BRD9: variants seen among roughly 807,000 people sequenced by gnomAD.
BRD9 encodes bromodomain-containing protein 9.
A neutral mutation model predicts 68.7 loss-of-function variants in BRD9; 47 were observed. That is an observed-to-expected ratio of 0.68 (90% CI 0.54 to 0.87). The LOEUF (loss-of-function observed/expected upper bound fraction) is 0.87, where lower values mean the gene tolerates loss of function less well. Among genes scored for constraint, BRD9 ranks in the 40% least tolerant of loss-of-function variants. BRD9 has a pLI of 0.00. For synonymous variants in BRD9, 313 were observed against 293.9 expected, an observed-to-expected ratio of 1.06 and a Z score of -0.67; for missense variants, 670 against 748.4, an observed-to-expected ratio of 0.90 and a Z score of 1.22.
At position 892,677 on chromosome 5, in the gene BRD9, C is replaced by T. The variant is rs974818177; in HGVS notation, c.-20G>A. ...GCCCATGGCGGCGCCGGCGGCGGGC[C>T]CGAGGCGGGGGCTGGGAACAGCTGG... On this transcript the variant is annotated 5_prime_UTR_variant, in exon 1 of 16. Transcript: ENST00000467963. 1 of 1,401,618 alleles carries T rather than the reference C, an allele frequency of 7.1e-7. No individual in the cohort carries two copies. Among genetic ancestry groups the T allele is most frequent in the East Asian group, 3.1e-5 (1 of 32,392 alleles). The allele number at this position is 1,401,618 out of a possible 1,614,324, so 86.8% of individuals were successfully genotyped here. A position where few individuals can be genotyped will look rare whatever the true frequency, so the allele number is the denominator to read the frequency against.
chr5:875,865 G>A (rs1435155973), intron 12 of BRD9, among the ~76,000 whole-genome samples: 2 of 152,240 alleles, frequency 1.3e-5, no homozygotes, highest in Non-Finnish European at 1.5e-5. Context: ...TGACAGAGAT[G>A]AAAGATGAAG....
rs893644364 is a variant in BRD9, at chr5:868,965, A to T, written c.1525+1508T>A. On this transcript the variant is annotated intron_variant, in intron 14 of 15. Transcript: ENST00000467963. Reference sequence around the variant, plus strand: ...CACCGGCAGCCTCCCAGGTGAGGGCACAGTCTCCAGGATGGCCCCACCGGC... The same window carrying T: ...CACCGGCAGCCTCCCAGGTGAGGGCTCAGTCTCCAGGATGGCCCCACCGGC... The T allele has an allele frequency of 1.8e-4, 37 of 206,654 alleles. 1 individual carries two copies. The South Asian group carries it at 2.7e-3, about 15-fold the overall frequency. 12.8% of individuals were successfully genotyped at this position (206,654 alleles called of 1,614,324 possible).
intron 5 of BRD9, 145 bp downstream of exon 5, chr5:888,876 T>C (rs1374922628): frequency 4.8e-6 from 4 of 828,696 alleles, no homozygotes; most frequent in Non-Finnish European, 3.6e-6. Flanking sequence ...ATTTCCTTAA[T>C]GCTGTGTCTG....
intron 6 of BRD9, 30 bp downstream of exon 6, chr5:887,331 G>A (rs548060566): frequency 7.0e-6 from 11 of 1,568,612 alleles, no homozygotes; most frequent in East Asian, 6.7e-5. Context: ...CCTGCTTTCC[G>A]TAGCTCGCTG....
rs550796927 is a variant in BRD9 at position 876,160 on chromosome 5, C to T, written c.1324G>A (p.Asp442Asn). The T allele has an allele frequency of 1.4e-5, 23 of 1,613,758 alleles. No individual in the cohort carries two copies. Among genetic ancestry groups the T allele is most frequent in the East Asian group, 8.9e-5 (4 of 44,846 alleles). ...AGSYSKKVVD[D>N]LLDQITGGDH... ...CCGCCTGTGATCTGGTCCAGGAGGT[C>T]GTCCACCACTTTCTTGCTGTAGCTC... Residue 442 changes from aspartate to asparagine, a missense_variant, in exon 12 of 16, where the codon GAC (aspartate) becomes AAC (asparagine). Asp to Asn is a conservative substitution (Grantham distance 23). Around this residue, in one of 5 missense-constraint regions of BRD9, gnomAD observed 280 missense variants for 281.5 expected, o/e 0.99. Transcript: ENST00000467963.
At chr5:873,877 G>T (rs1332265177) in intron 12 of BRD9, among the ~76,000 whole-genome samples, 1 of 152,150 alleles carries the variant, frequency 6.6e-6, no homozygotes, top group African/African-American at 2.4e-5. Flanking sequence ...CCACAGCAGA[G>T]ACCACGCTGA....
chr5:885,244 C>G (rs1478904667), intron 7 of BRD9, among the ~76,000 whole-genome samples: 1 of 152,222 alleles, frequency 6.6e-6, no homozygotes, highest in Non-Finnish European at 1.5e-5. Context: ...ATGCAACGCA[C>G]GTGGGGAGAC....
In BRD9 at chr5:871,393, T is replaced by G. The variant is rs1321486230; in HGVS notation, c.1422+133A>C. ...ATGAAAAGAGGAGGAGAAACACTATTGATCTTACTGATCAGAAACGGACTC... is the reference window on the plus strand; with the variant it reads ...ATGAAAAGAGGAGGAGAAACACTATGGATCTTACTGATCAGAAACGGACTC... On this transcript the variant is annotated intron_variant, in intron 13 of 15. Transcript: ENST00000467963. The G allele has an allele frequency of 5.0e-6, 4 of 796,832 alleles. No individual in the cohort carries two copies. The African/African-American group carries it at 5.1e-5, about 10-fold the overall frequency. The allele number at this position is 796,832 out of a possible 1,614,324, so 49.4% of individuals were successfully genotyped here. A position where few individuals can be genotyped will look rare whatever the true frequency, so the allele number is the denominator to read the frequency against.
In BRD9 at chr5:864,457, G is replaced by A. The variant is rs144044545; in HGVS notation, c.*11C>T. ...AAAAAATAAAATAAAAGAGCTGAAGGTGGTCTAGAGTTAGGTCTTGGCAGA... is the reference window on the plus strand; with the variant it reads ...AAAAAATAAAATAAAAGAGCTGAAGATGGTCTAGAGTTAGGTCTTGGCAGA... On this transcript the variant is annotated 3_prime_UTR_variant, in exon 16 of 16. Transcript: ENST00000467963. 40 of 1,569,110 alleles carry A rather than the reference G, an allele frequency of 2.5e-5. No homozygotes were observed. In the African/African-American group the frequency reaches 4.8e-4, roughly 19 times the overall value.
At chr5:887,333 A>T in intron 6 of BRD9, 28 bp downstream of exon 6, 1 of 1,565,954 alleles carries the variant, frequency 6.4e-7, no homozygotes, top group Non-Finnish European at 8.8e-7. Flanking sequence ...TGCTTTCCGT[A>T]GCTCGCTGCT....
chr5:871,747 G>A (rs1475659379), intron 12 of BRD9, among the ~76,000 whole-genome samples, 183 bp from the exon 13 acceptor site: 1 of 152,212 alleles, frequency 6.6e-6, no homozygotes, highest in African/African-American at 2.4e-5. Context: ...ACCAGTCACT[G>A]ACCCAACCAC....
intron 14 of BRD9, among the ~76,000 whole-genome samples, chr5:867,004 C>A (rs1170773637): frequency 1.3e-5 from 2 of 152,148 alleles, no homozygotes; most frequent in Non-Finnish European, 2.9e-5. Context: ...AGACCTTTGC[C>A]CAGACACTGC....
At chr5:885,086 C>T (rs1485405161) in intron 7 of BRD9, among the ~76,000 whole-genome samples, 2 of 152,228 alleles carry the variant, frequency 1.3e-5, no homozygotes, top group African/African-American at 4.8e-5. Context: ...TCAATTCCCC[C>T]TCGATGCTCA....
chr5:867,177 G>A (rs929670593), intron 14 of BRD9, among the ~76,000 whole-genome samples: 3 of 152,244 alleles, frequency 2.0e-5, no homozygotes, highest in African/African-American at 4.8e-5. Flanking sequence ...AGCCCTGGAA[G>A]CTTCCACATG....
At position 876,088 on chromosome 5, in the gene BRD9, G is replaced by C. The variant is rs761717147; in HGVS notation, c.1383+13C>G. ...GGCACCTGCCCCCCAACCCCGGTGCGAGTGCAGCCCACCTGCTTCAGCTGG... is the reference window on the plus strand; with the variant it reads ...GGCACCTGCCCCCCAACCCCGGTGCCAGTGCAGCCCACCTGCTTCAGCTGG... On this transcript the variant is annotated intron_variant, in intron 12 of 15. Transcript: ENST00000467963. 7 of 1,594,450 alleles carry C rather than the reference G, an allele frequency of 4.4e-6. No homozygotes were observed. The highest frequency in any genetic ancestry group is 6.0e-6 in the Non-Finnish European group (7 of 1,165,188).
chr5:877,286 G>C (rs1751092723), intron 11 of BRD9, among the ~76,000 whole-genome samples: 2 of 152,216 alleles, frequency 1.3e-5, no homozygotes, highest in South Asian at 4.1e-4. Flanking sequence ...GGTGAGGTGA[G>C]GGCTGGCGGG....
intron 15 of BRD9, 21 bp downstream of exon 15, chr5:865,393 G>T: frequency 6.4e-7 from 1 of 1,553,466 alleles, no homozygotes. Context: ...TGGGGATGCG[G>T]CGTGGGTGGG....
chr5:877,239 G>T (rs1048076240), intron 11 of BRD9, among the ~76,000 whole-genome samples: 2 of 152,232 alleles, frequency 1.3e-5, no homozygotes, highest in African/African-American at 4.8e-5. Context: ...GGGGAGCCAC[G>T]GCCTTGGCCC....
chr5:870,550 C>T lies in BRD9; in HGVS notation c.1448G>A (p.Ser483Asn). The change falls in exon 14 of 16, where the codon AGC (serine) becomes AAC (asparagine). Residue 483 changes from serine (S) to asparagine (N), a missense_variant. Transcript: ENST00000467963. ...AKVGDTLGDS[S>N]SSVLEFMSMK... ...CGACATGAACTCCAGAACAGAGCTG[C>T]TGCTGTCTCCTAGGGTGTCCCCAAC... 6.2e-7 allele frequency: 1 copy of T among 1,614,116 alleles called. No homozygotes were observed.
Sources: allele counts gnomAD v4.1 joint callset (sites outside exome capture counted in the v4.1 genomes callset), GRCh38; gene constraint gnomAD v4.1.1; regional missense constraint gnomAD v4.1.1; transcripts MANE v1.5; gene names NCBI Gene and HGNC (gene_info 2026-07-23, HGNC 2026-07-21).